CTNNA2: variants seen among roughly 807,000 people sequenced by gnomAD.
CTNNA2 encodes the protein catenin alpha 2, also known as catenin alpha-2.
In CTNNA2, 42 loss-of-function variants were observed where a neutral mutation model predicts 101.0. That is an observed-to-expected ratio of 0.42 (90% CI 0.32 to 0.54). The LOEUF (loss-of-function observed/expected upper bound fraction) is 0.54. Ranked by LOEUF, CTNNA2 falls within the 20% of genes least tolerant of loss-of-function variation. The pLI is 0.14. For missense variants in CTNNA2, 871 were observed against 1,223.1 expected (o/e 0.71, Z 4.29); for synonymous variants, 450 against 456.4 (o/e 0.99, Z 0.18).
At chr2:79,523,882 T>C (rs917168629) in intron 1 of CTNNA2, among the ~76,000 whole-genome samples, 1 of 152,122 alleles carries the variant, frequency 6.6e-6, no homozygotes, top group African/African-American at 2.4e-5. Context: ...ATGTCTTGCC[T>C]TTGCTGTGAT....
chr2:79,281,303 A>T (rs1410619932), intron 2 of CTNNA2, among the ~76,000 whole-genome samples: 3 of 152,128 alleles, frequency 2.0e-5, no homozygotes, highest in African/African-American at 7.2e-5. Flanking sequence ...GCTGGTCCCC[A>T]TGGTGGTGAT....
chr2:80,546,101 A>AG (rs1351674112), intron 11 of CTNNA2, 38 bp downstream of exon 11: 25 of 1,609,066 alleles, frequency 1.6e-5, no homozygotes, highest in Non-Finnish European at 2.0e-5. Flanking sequence ...AGGCAGCTGG[A>AG]GGAGGGTAAC....
chr2:79,607,026 G>A (rs778358415), intron 1 of CTNNA2, among the ~76,000 whole-genome samples: 6 of 152,106 alleles, frequency 3.9e-5, no homozygotes, highest in East Asian at 1.9e-4. Context: ...AGGCAAAGCC[G>A]AAGTGTATAC....
intron 3 of CTNNA2, among the ~76,000 whole-genome samples, chr2:79,823,784 G>GT (rs879570495): frequency 1.5e-4 from 22 of 151,708 alleles, no homozygotes; most frequent in South Asian, 8.3e-4. Context: ...AAAAATAAAG[G>GT]TTTTTTTTGT....
At chr2:80,603,697 G>T (rs1490428693) in intron 15 of CTNNA2, 1 of 163,282 alleles carries the variant, frequency 6.1e-6, no homozygotes, top group African/African-American at 2.4e-5. Context: ...TTCTAAATGG[G>T]AGTGATGATA....
intron 9 of CTNNA2, among the ~76,000 whole-genome samples, chr2:80,482,342 T>C (rs1479140019): frequency 1.3e-5 from 2 of 151,980 alleles, no homozygotes; most frequent in Non-Finnish European, 2.9e-5. Context: ...ATTACAGGAG[T>C]ACAGTTCCTG....
chr2:79,317,409 C>T (rs568577511), intron 3 of CTNNA2, among the ~76,000 whole-genome samples: 2 of 152,088 alleles, frequency 1.3e-5, no homozygotes, highest in East Asian at 3.9e-4. Flanking sequence ...ATCAGGGTAA[C>T]ACTGGCCTCA....
chr2:79,932,530 A>T (rs553403837), intron 7 of CTNNA2, among the ~76,000 whole-genome samples: 1 of 151,902 alleles, frequency 6.6e-6, no homozygotes, highest in African/African-American at 2.4e-5. Context: ...TAGATCAATG[A>T]AAATACTGTT....
chr2:79,774,881 C>T (rs1673848959), intron 3 of CTNNA2, among the ~76,000 whole-genome samples: 1 of 152,198 alleles, frequency 6.6e-6, no homozygotes, highest in African/African-American at 2.4e-5. Flanking sequence ...AACCTTTCTT[C>T]TGACCTTCAG....
intron 2 of CTNNA2, among the ~76,000 whole-genome samples, chr2:79,248,344 T>G (rs965422286): frequency 6.6e-6 from 1 of 151,740 alleles, no homozygotes. Flanking sequence ...GTAAAATTAT[T>G]TTTAATAATA....
chr2:80,405,545 C>A (rs1678975147), intron 8 of CTNNA2, among the ~76,000 whole-genome samples: 1 of 152,122 alleles, frequency 6.6e-6, no homozygotes, highest in African/African-American at 2.4e-5. Context: ...AATATAATCA[C>A]CATTTCTTTC....
At chr2:79,851,673 A>T (rs1680714589) in intron 3 of CTNNA2, among the ~76,000 whole-genome samples, 2 of 147,980 alleles carry the variant, frequency 1.4e-5, no homozygotes, top group Non-Finnish European at 3.0e-5. Context: ...GGTTAAGAGG[A>T]TTGGAAATTT....
intron 3 of CTNNA2, among the ~76,000 whole-genome samples, chr2:79,779,265 A>G (rs1674243322): frequency 6.6e-6 from 1 of 152,154 alleles, no homozygotes; most frequent in African/African-American, 2.4e-5. Flanking sequence ...CGATAGATTG[A>G]AGCCTCCTGG....
At chr2:79,226,904 C>T (rs1278085557) in intron 2 of CTNNA2, among the ~76,000 whole-genome samples, 8 of 151,978 alleles carry the variant, frequency 5.3e-5, no homozygotes, top group South Asian at 2.1e-4. Context: ...TATCCCAAGG[C>T]GCTGCCATGA....
chr2:80,572,156 C>T (rs56257388), intron 12 of CTNNA2, among the ~76,000 whole-genome samples: 1,903 of 152,176 alleles, frequency 0.013, 49 homozygotes, highest in African/African-American at 0.04. Context: ...TCTGCATGCT[C>T]AATATGATTA....
At chr2:79,511,567 G>A (rs1212210911), upstream of CTNNA2, among the ~76,000 whole-genome samples, 1 of 152,132 alleles carries the variant, frequency 6.6e-6, no homozygotes, top group Non-Finnish European at 1.5e-5. Flanking sequence ...TTCTTCTTAA[G>A]CCAATATCCG....
chr2:80,509,942 C>G (rs1688577318), intron 9 of CTNNA2, among the ~76,000 whole-genome samples: 1 of 152,192 alleles, frequency 6.6e-6, no homozygotes, highest in African/African-American at 2.4e-5. Context: ...ATTCTCAGGA[C>G]AGAAATAACA....
chr2:79,909,658 G>T lies in CTNNA2; in HGVS notation c.917G>T (p.Arg306Met). ...EARFRPSLEE[R>M]LESIISGAAL... Reference sequence around the variant, plus strand: ...AGGTTCCGGCCGTCCCTGGAGGAGAGGCTGGAGAGCATCATCAGCGGCGCA... The same window carrying T: ...AGGTTCCGGCCGTCCCTGGAGGAGATGCTGGAGAGCATCATCAGCGGCGCA... Residue 306 changes from arginine to methionine, a missense_variant, in exon 7 of 19, where the codon AGG (arginine) becomes ATG (methionine). By Grantham distance (91) the Arg-to-Met change is moderately conservative. Around this residue, in one of 5 missense-constraint regions of CTNNA2, gnomAD observed 647 missense variants for 831.5 expected, o/e 0.78. Transcript: ENST00000402739. 6.2e-7 allele frequency: 1 copy of T among 1,613,828 alleles called. No homozygotes were observed. The highest frequency in any genetic ancestry group is 8.5e-7 in the Non-Finnish European group (1 of 1,179,796).
At chr2:79,978,087 C>T (rs1381269294) in intron 7 of CTNNA2, among the ~76,000 whole-genome samples, 1 of 152,132 alleles carries the variant, frequency 6.6e-6, no homozygotes, top group African/African-American at 2.4e-5. Context: ...CTGAAGTTCG[C>T]ATAGGGTAAG....
Sources: gnomAD v4.1 joint callset for allele counts (sites outside exome capture counted in the v4.1 genomes callset) on GRCh38, gnomAD v4.1.1 for gene constraint, gnomAD v4.1.1 regional missense constraint, MANE v1.5 for transcripts, NCBI Gene and HGNC (gene_info 2026-07-23, HGNC 2026-07-21) for gene names.